The following PTPRD variants were observed in gnomAD, a reference collection of about 807,000 sequenced individuals.
PTPRD encodes protein tyrosine phosphatase receptor type D.
Under a neutral mutation model 214.5 loss-of-function variants are expected in PTPRD, and 34 were observed. That is an observed-to-expected ratio of 0.16 (90% CI 0.12 to 0.21). PTPRD has a LOEUF of 0.21. PTPRD is among the 10% of genes least tolerant of loss of function. PTPRD has a pLI of 1.00. For synonymous variants in PTPRD, 1,128 were observed against 845.7 expected, an observed-to-expected ratio of 1.33 and a Z score of -5.79; for missense variants, 2,545 against 2,398.7, an observed-to-expected ratio of 1.06 and a Z score of -1.27.
At chr9:9,570,733 G>A (rs1303644442) in intron 8 of PTPRD, among the ~76,000 whole-genome samples, 1 of 151,428 alleles carries the variant, frequency 6.6e-6, no homozygotes, top group Non-Finnish European at 1.5e-5. Context: ...ATTAGCTCTT[G>A]ATTATTGCGC....
chr9:9,240,466 T>C (rs542390085), intron 9 of PTPRD, among the ~76,000 whole-genome samples: 1 of 151,508 alleles, frequency 6.6e-6, no homozygotes, highest in South Asian at 2.1e-4. Context: ...AGGTCAGGAG[T>C]TCAAGACCAG....
At chr9:8,408,362 G>A (rs568991172) in intron 35 of PTPRD, among the ~76,000 whole-genome samples, 1 of 151,980 alleles carries the variant, frequency 6.6e-6, no homozygotes, top group Admixed American at 6.6e-5. Flanking sequence ...GTTTTCCTGA[G>A]CTTGACTCCT....
chr9:9,541,148 A>C (rs941836094), intron 8 of PTPRD, among the ~76,000 whole-genome samples: 5 of 151,786 alleles, frequency 3.3e-5, no homozygotes, highest in African/African-American at 1.2e-4. Context: ...GCTCACTATG[A>C]ACCAACTTTC....
intron 9 of PTPRD, among the ~76,000 whole-genome samples, chr9:9,246,950 GTCTC>G (rs772716138): frequency 4.6e-5 from 7 of 151,876 alleles, no homozygotes; most frequent in Non-Finnish European, 8.8e-5. Context: ...CAGAACCAAG[GTCTC>G]TCTGACCTTC....
At chr9:9,009,550 G>C (rs926502637) in intron 11 of PTPRD, among the ~76,000 whole-genome samples, 2 of 152,034 alleles carry the variant, frequency 1.3e-5, no homozygotes, top group African/African-American at 4.8e-5. Context: ...AGTATATGAA[G>C]ATAAGAAGCA....
chr9:9,404,928 GTGCT>G (rs2072659682), intron 8 of PTPRD, among the ~76,000 whole-genome samples: 1 of 152,078 alleles, frequency 6.6e-6, no homozygotes, highest in South Asian at 2.1e-4. Flanking sequence ...GCCACATTCT[GTGCT>G]TTCTGCCCCA....
intron 11 of PTPRD, among the ~76,000 whole-genome samples, chr9:8,819,750 G>T (rs1404188554): frequency 6.7e-6 from 1 of 150,374 alleles, no homozygotes. Flanking sequence ...GAGATTGTTA[G>T]TTAAAGTCAG....
intron 5 of PTPRD, among the ~76,000 whole-genome samples, chr9:9,807,492 G>C (rs941863019): frequency 3.9e-5 from 6 of 152,118 alleles, no homozygotes; most frequent in Admixed American, 2.0e-4. Context: ...AGTGTGAAGA[G>C]ATAGATTCCC....
intron 9 of PTPRD, among the ~76,000 whole-genome samples, chr9:9,243,408 C>T (rs536499514): frequency 4.6e-5 from 7 of 152,108 alleles, no homozygotes; most frequent in Admixed American, 1.3e-4. Context: ...ACTGGCAAAC[C>T]GAATCCAGCA....
intron 14 of PTPRD, among the ~76,000 whole-genome samples, chr9:8,594,054 A>G (rs1049910732): frequency 6.6e-6 from 1 of 152,216 alleles, no homozygotes; most frequent in East Asian, 1.9e-4. Flanking sequence ...TCCTAATAGT[A>G]GAAAAGGCAC....
At chr9:8,958,125 A>G (rs1464369156) in intron 11 of PTPRD, among the ~76,000 whole-genome samples, 1 of 151,920 alleles carries the variant, frequency 6.6e-6, no homozygotes, top group East Asian at 1.9e-4. Flanking sequence ...AGATCCCTCC[A>G]TCCTGCAGGT....
chr9:9,480,111 T>C (rs1389908081), intron 8 of PTPRD, among the ~76,000 whole-genome samples: 1 of 152,148 alleles, frequency 6.6e-6, no homozygotes, highest in Admixed American at 6.6e-5. Context: ...ACAAAATTTG[T>C]TCCTGGGCAC....
intron 4 of PTPRD, among the ~76,000 whole-genome samples, chr9:9,947,513 ATATATATATTATATATATTT>A (rs2092867243): frequency 1.4e-4 from 3 of 21,396 alleles, no homozygotes; most frequent in Non-Finnish European, 2.2e-4. Context: ...TATATATATA[ATATATATATTATATATATTT>A]TATATATAAT....
intron 2 of PTPRD, among the ~76,000 whole-genome samples, chr9:10,517,927 T>C (rs1403302396): frequency 6.6e-6 from 1 of 152,178 alleles, no homozygotes; most frequent in Non-Finnish European, 1.5e-5. Flanking sequence ...ATCCACTGGT[T>C]CTAAGGTAGA....
intron 3 of PTPRD, among the ~76,000 whole-genome samples, chr9:10,319,656 AATG>A (rs1355001000): frequency 2.6e-5 from 4 of 152,046 alleles, no homozygotes; most frequent in Non-Finnish European, 5.9e-5. Flanking sequence ...ATTGAAAATG[AATG>A]ATGATGAATG....
chr9:10,367,932 T>C (rs548596758), intron 2 of PTPRD, among the ~76,000 whole-genome samples: 1 of 152,110 alleles, frequency 6.6e-6, no homozygotes, highest in Non-Finnish European at 1.5e-5. Flanking sequence ...AGACAAAATA[T>C]ATCAGCACAT....
chr9:9,740,900 A>T (rs2098391260), intron 6 of PTPRD, among the ~76,000 whole-genome samples: 1 of 152,186 alleles, frequency 6.6e-6, no homozygotes, highest in South Asian at 2.1e-4. Context: ...TACCATATTC[A>T]ACAACATAGA....
intron 8 of PTPRD, among the ~76,000 whole-genome samples, chr9:9,494,455 T>A (rs1287417928): frequency 6.6e-6 from 1 of 152,048 alleles, no homozygotes; most frequent in Non-Finnish European, 1.5e-5. Context: ...CAACCTCGAG[T>A]AACCACCAAG....
At chr9:10,587,757 A>G (rs1227827201) in intron 2 of PTPRD, among the ~76,000 whole-genome samples, 2 of 152,118 alleles carry the variant, frequency 1.3e-5, no homozygotes, top group African/African-American at 4.8e-5. Context: ...CTCAAGATGC[A>G]AAACTGAAGA....
Sources: allele counts gnomAD v4.1 joint callset (sites outside exome capture counted in the v4.1 genomes callset), GRCh38; gene constraint gnomAD v4.1.1; transcripts MANE v1.5; gene names NCBI Gene and HGNC (gene_info 2026-07-23, HGNC 2026-07-21).